The following GPHN variants were observed in gnomAD, a reference collection of about 807,000 sequenced individuals.
GPHN encodes the protein gephyrin.
GPHN carries 17 observed loss-of-function variants against 95.5 expected under a neutral mutation model. The observed-to-expected ratio is 0.18, with a 90% CI of 0.12 to 0.27. The LOEUF (loss-of-function observed/expected upper bound fraction) is 0.27. GPHN is among the 10% of genes least tolerant of loss of function. The pLI is 1.00. For missense variants in GPHN, 660 were observed against 978.1 expected, an observed-to-expected ratio of 0.67 and a Z score of 4.34; for synonymous variants, 320 against 322.5, an observed-to-expected ratio of 0.99 and a Z score of 0.08.
chr14:66,709,359 G>A (rs1057045347), intron 2 of GPHN: 11 of 455,852 alleles, frequency 2.4e-5, no homozygotes, highest in Non-Finnish European at 4.4e-5. Flanking sequence ...ATCCACAGGG[G>A]ATAAATTCCA....
intron 1 of GPHN, among the ~76,000 whole-genome samples, chr14:66,643,074 C>T (rs1051705842): frequency 3.3e-5 from 5 of 152,062 alleles, no homozygotes; most frequent in African/African-American, 9.6e-5. Flanking sequence ...ACTCATATTC[C>T]ATAACCCAAT....
At chr14:67,023,806 A>G (rs2073787917) in intron 10 of GPHN, 131 bp downstream of exon 10, 1 of 751,328 alleles carries the variant, frequency 1.3e-6, no homozygotes, top group Non-Finnish European at 2.3e-6. Flanking sequence ...TAGGGCTTTT[A>G]CCTTCTAAAA....
intron 1 of GPHN, among the ~76,000 whole-genome samples, chr14:66,595,770 G>A (rs2061947387): frequency 7.1e-6 from 1 of 141,750 alleles, no homozygotes; most frequent in East Asian, 2.1e-4. Context: ...TGGGCTCCCT[G>A]AAGTGCTACA....
chr14:67,239,727 G>T, the GPHN span, among the ~76,000 whole-genome samples: 1 of 152,080 alleles, frequency 6.6e-6, no homozygotes, highest in Admixed American at 6.5e-5. Context: ...GTGGTGGCTG[G>T]CACCTGTAAT....
intron 4 of GPHN, among the ~76,000 whole-genome samples, chr14:66,860,070 A>G (rs2062963703): frequency 6.6e-6 from 1 of 152,176 alleles, no homozygotes; most frequent in Non-Finnish European, 1.5e-5. Context: ...CAAAGGGATA[A>G]TATGAGAGAA....
the GPHN span, chr14:67,574,154 T>C: frequency 8.0e-7 from 1 of 1,243,714 alleles, no homozygotes; most frequent in Non-Finnish European, 1.1e-6. The surrounding 1 kb of genome is among the most constrained non-coding windows in gnomAD (Gnocchi z 4.2). Context: ...GCCCCTTGGG[T>C]TCAGGGACAG....
the GPHN span, among the ~76,000 whole-genome samples, chr14:67,614,290 C>T: frequency 9.9e-5 from 15 of 152,240 alleles, no homozygotes; most frequent in South Asian, 1.2e-3. Flanking sequence ...CTGTTCCTTA[C>T]GATGGATGAG....
At chr14:67,354,517 G>A in the GPHN span, among the ~76,000 whole-genome samples, 34 of 152,082 alleles carry the variant, frequency 2.2e-4, no homozygotes, top group Non-Finnish European at 4.9e-4. Context: ...TTTAAAAGAT[G>A]GGTACTCCAG....
At chr14:67,383,609 C>T in the GPHN span, 1 of 914,884 alleles carries the variant, frequency 1.1e-6, no homozygotes, top group South Asian at 1.4e-5. Flanking sequence ...TCCTAAATGT[C>T]AGCTGTTGTC....
the GPHN span, among the ~76,000 whole-genome samples, chr14:67,284,506 A>AT: frequency 1.6e-5 from 2 of 123,826 alleles, no homozygotes; most frequent in Non-Finnish European, 3.3e-5. Flanking sequence ...AGGCAGGAGG[A>AT]TTTTTTGAGC....
chr14:67,242,895 G>A, the GPHN span, among the ~76,000 whole-genome samples: 4 of 152,286 alleles, frequency 2.6e-5, no homozygotes, highest in South Asian at 8.3e-4. Context: ...GTTAAAACGG[G>A]AGAGAATATA....
chr14:67,150,453 CAAAAAAAA>C (rs1164806975), intron 18 of GPHN, among the ~76,000 whole-genome samples: 4 of 98,058 alleles, frequency 4.1e-5, no homozygotes, highest in African/African-American at 1.6e-4. Flanking sequence ...AAAAAAAAAA[CAAAAAAAA>C]AAAAAAAAAA....
intron 3 of GPHN, among the ~76,000 whole-genome samples, chr14:66,819,490 G>C (rs2061105264): frequency 6.6e-6 from 1 of 151,964 alleles, no homozygotes; most frequent in African/African-American, 2.4e-5. Flanking sequence ...CTTATTTTAG[G>C]GTTCTCTATT....
intron 2 of GPHN, among the ~76,000 whole-genome samples, chr14:66,694,651 T>C (rs2068001377): frequency 6.6e-6 from 1 of 152,084 alleles, no homozygotes; most frequent in Non-Finnish European, 1.5e-5. Flanking sequence ...TAGGTAACCT[T>C]GGGTATGGCA....
chr14:66,863,032 A>G (rs1212716597), intron 4 of GPHN, among the ~76,000 whole-genome samples: 1 of 152,154 alleles, frequency 6.6e-6, no homozygotes, highest in Non-Finnish European at 1.5e-5. Flanking sequence ...GAAGAAGTCA[A>G]ATTATTCTTG....
chr14:67,380,612 A>G, the GPHN span: 2 of 1,056,438 alleles, frequency 1.9e-6, no homozygotes, highest in Non-Finnish European at 1.4e-6. Context: ...CACATTTATC[A>G]GTAATATAAC....
chr14:66,812,274 G>A (rs1355351726), intron 3 of GPHN, among the ~76,000 whole-genome samples: 1 of 152,182 alleles, frequency 6.6e-6, no homozygotes. Context: ...CTGCATAGCA[G>A]AGTTTGCAGT....
the GPHN span, chr14:67,562,686 C>A: frequency 6.2e-7 from 1 of 1,612,230 alleles, no homozygotes; most frequent in Non-Finnish European, 8.5e-7. Context: ...GAGACTGAGG[C>A]CTTCTCAGCC....
the GPHN span, among the ~76,000 whole-genome samples, chr14:67,304,277 AGCAATT>A: frequency 6.6e-6 from 1 of 152,178 alleles, no homozygotes; most frequent in Non-Finnish European, 1.5e-5. Flanking sequence ...CATACAGTCA[AGCAATT>A]GCATTCCAAA....
Sources: allele counts gnomAD v4.1 joint callset (sites outside exome capture counted in the v4.1 genomes callset), GRCh38; gene constraint gnomAD v4.1.1; non-coding constraint Gnocchi (gnomAD v3.1); transcripts MANE v1.5; gene names NCBI Gene and HGNC (gene_info 2026-07-23, HGNC 2026-07-21).